TOX2: variants seen among roughly 807,000 people sequenced by gnomAD.
TOX2 encodes TOX high mobility group box family member 2.
Under a neutral mutation model 47.4 loss-of-function variants are expected in TOX2, and 15 were observed. That is an observed-to-expected ratio of 0.32 (90% CI 0.21 to 0.49). TOX2 has a LOEUF of 0.49. Ranked by LOEUF, TOX2 falls within the 20% of genes least tolerant of loss-of-function variation. TOX2 has a pLI of 0.99. For synonymous variants in TOX2, 290 were observed against 296.6 expected, an observed-to-expected ratio of 0.98 and a Z score of 0.23; for missense variants, 622 against 673.1, an observed-to-expected ratio of 0.92 and a Z score of 0.84.
intron 3 of TOX2, among the ~76,000 whole-genome samples, chr20:44,023,899 G>T (rs1217192946): frequency 1.3e-5 from 2 of 152,352 alleles, no homozygotes; most frequent in East Asian, 3.9e-4. Context: ...GCTGCCTCTG[G>T]TCTTGGGGCT....
chr20:43,921,573 T>A (rs370950629), intron 1 of TOX2, among the ~76,000 whole-genome samples: 1 of 152,134 alleles, frequency 6.6e-6, no homozygotes, highest in African/African-American at 2.4e-5. Context: ...GCAGCCCAAC[T>A]GAAAGTTAAA....
intron 2 of TOX2, among the ~76,000 whole-genome samples, chr20:43,987,727 T>C (rs2070291943): frequency 6.6e-6 from 1 of 151,928 alleles, no homozygotes; most frequent in East Asian, 1.9e-4. Flanking sequence ...TTTAACTTCC[T>C]GGGAGGGAAA....
chr20:44,068,436 C>CG (rs1348104130), intron 8 of TOX2, among the ~76,000 whole-genome samples: 2 of 144,242 alleles, frequency 1.4e-5, no homozygotes, highest in African/African-American at 2.5e-5. Flanking sequence ...AGCTGAGGAC[C>CG]GGGTGGTCCC....
chr20:43,989,367 C>A (rs2070328237), intron 2 of TOX2, among the ~76,000 whole-genome samples: 1 of 152,206 alleles, frequency 6.6e-6, no homozygotes, highest in Admixed American at 6.5e-5. Context: ...AAGACAGAAT[C>A]AACATGGAAG....
chr20:44,003,268 C>T (rs771498182), intron 2 of TOX2, among the ~76,000 whole-genome samples: 2 of 151,834 alleles, frequency 1.3e-5, no homozygotes. Flanking sequence ...CTCACTTCAG[C>T]CTTGACATCC....
chr20:44,038,866 G>A (rs949312686), intron 3 of TOX2: 4 of 968,814 alleles, frequency 4.1e-6, no homozygotes, highest in Admixed American at 3.8e-5. Context: ...TGTGAAAAAC[G>A]CCCTTGTGTT....
At chr20:44,011,304 A>T (rs1281394404) in intron 3 of TOX2, among the ~76,000 whole-genome samples, 1 of 152,142 alleles carries the variant, frequency 6.6e-6, no homozygotes, top group Non-Finnish European at 1.5e-5. Flanking sequence ...TTGAGTGCCC[A>T]CTAGGTACCA....
intron 1 of TOX2, among the ~76,000 whole-genome samples, chr20:43,947,060 T>C (rs1003514912): frequency 3.3e-5 from 5 of 152,208 alleles, no homozygotes; most frequent in African/African-American, 1.2e-4. Context: ...CCTTCTCCAC[T>C]CTGGGTCTGA....
chr20:44,055,764 C>T (rs1326566425), intron 5 of TOX2, among the ~76,000 whole-genome samples: 5 of 152,082 alleles, frequency 3.3e-5, no homozygotes. Context: ...CAGAGCATGT[C>T]CTGGGAGCCT....
At chr20:43,972,328 G>C (rs541199866) in intron 1 of TOX2, among the ~76,000 whole-genome samples, 2 of 152,282 alleles carry the variant, frequency 1.3e-5, no homozygotes, top group East Asian at 3.9e-4. Context: ...TTCCCCATCA[G>C]AGCAGGCTGA....
intron 6 of TOX2, among the ~76,000 whole-genome samples, chr20:44,065,283 C>T (rs968170379): frequency 5.9e-5 from 9 of 152,312 alleles, no homozygotes; most frequent in South Asian, 4.1e-4. Context: ...AGTGTGGCTG[C>T]GGATGCGTGG....
chr20:44,068,861 G>A lies in TOX2; in HGVS notation c.*175G>A. The stretch of plus-strand genomic sequence containing the variant: ...TCAACCTCCCACCAGACTCTGCAGA[G>A]GCAGCCCACTGCCCACCACCAGCCC... On this transcript the variant is annotated 3_prime_UTR_variant, in exon 9 of 9. Coordinates refer to ENST00000341197, the MANE Select transcript of TOX2 (RefSeq NM_001098797.2). The A allele has an allele frequency of 3.4e-6, 3 of 876,516 alleles. No homozygotes were observed. The highest frequency in any genetic ancestry group is 5.6e-6 in the Non-Finnish European group (3 of 533,124). 54.3% of individuals were successfully genotyped at this position (876,516 alleles called of 1,614,324 possible).
At chr20:44,001,036 G>A (rs777121509) in intron 2 of TOX2, among the ~76,000 whole-genome samples, 2 of 152,154 alleles carry the variant, frequency 1.3e-5, no homozygotes, top group Non-Finnish European at 2.9e-5. Context: ...AAGAAAGAAC[G>A]AGTGGAAATG....
At chr20:43,991,113 A>T (rs181152182) in intron 2 of TOX2, among the ~76,000 whole-genome samples, 49 of 152,288 alleles carry the variant, frequency 3.2e-4, no homozygotes, top group Non-Finnish European at 5.9e-5. Flanking sequence ...CAGTTGGTGT[A>T]ACTGAGGCCC....
intron 1 of TOX2, among the ~76,000 whole-genome samples, chr20:43,951,942 G>C (rs2069581930): frequency 6.6e-6 from 1 of 151,946 alleles, no homozygotes; most frequent in Admixed American, 6.5e-5. Flanking sequence ...TGTCGCCCAA[G>C]CTGGAGTGCA....
At chr20:43,976,561 C>A (rs924550940) in intron 2 of TOX2, among the ~76,000 whole-genome samples, 2 of 152,168 alleles carry the variant, frequency 1.3e-5, no homozygotes, top group African/African-American at 4.8e-5. Context: ...GGAAAGGCTG[C>A]AAAATATTGT....
intron 2 of TOX2, among the ~76,000 whole-genome samples, chr20:44,001,274 C>T: frequency 6.6e-6 from 1 of 152,192 alleles, no homozygotes; most frequent in East Asian, 1.9e-4. Flanking sequence ...GACACCTCTA[C>T]TCTCTAAGCT....
At chr20:43,964,283 T>A (rs2069811743) in intron 1 of TOX2, among the ~76,000 whole-genome samples, 1 of 152,134 alleles carries the variant, frequency 6.6e-6, no homozygotes, top group Admixed American at 6.5e-5. Flanking sequence ...TCTATTCCTG[T>A]TCCTCTTCCA....
chr20:43,946,869 A>G (rs2069481872), intron 1 of TOX2, among the ~76,000 whole-genome samples: 1 of 152,156 alleles, frequency 6.6e-6, no homozygotes. Flanking sequence ...GCAGACCAGG[A>G]GACCCGACCT....
Sources: allele counts gnomAD v4.1 joint callset (sites outside exome capture counted in the v4.1 genomes callset), GRCh38; gene constraint gnomAD v4.1.1; transcripts MANE v1.5; gene names NCBI Gene and HGNC (gene_info 2026-07-23, HGNC 2026-07-21).